Variants in ACOT1 observed in about 807,000 individuals in gnomAD.
ACOT1 encodes acyl-coenzyme A thioesterase 1.
ACOT1 carries 8 observed loss-of-function variants against 15.7 expected under a neutral mutation model. The ratio of observed to expected loss-of-function variants is 0.51; its 90% CI spans 0.30 to 0.92. The LOEUF (loss-of-function observed/expected upper bound fraction) is 0.92. ACOT1 is among the 40% of genes least tolerant of loss of function. ACOT1 has a pLI of 0.06. For missense variants in ACOT1, 151 were observed against 539.4 expected (o/e 0.28, Z 7.13); for synonymous variants, 67 against 241.2 (o/e 0.28, Z 6.69).
At chr14:73,491,253 T>C in the ACOT1 span, 2 of 1,581,214 alleles carry the variant, frequency 1.3e-6, no homozygotes, top group Non-Finnish European at 1.7e-6. Flanking sequence ...GGGGACGCGC[T>C]ACCCGGTGGG....
the ACOT1 span, chr14:73,498,954 C>T: frequency 1.2e-6 from 1 of 851,328 alleles, no homozygotes. Flanking sequence ...TTCTGAAAAG[C>T]TAAGATCATT....
the ACOT1 span, among the ~76,000 whole-genome samples, chr14:73,513,728 C>CA: frequency 0.099 from 4,628 of 46,748 alleles, 1,123 homozygotes; most frequent in East Asian, 0.27. Context: ...ACTACGTCTC[C>CA]AAAAAAAAAA....
At chr14:73,522,651 G>A in the ACOT1 span, 13 of 1,614,246 alleles carry the variant, frequency 8.1e-6, no homozygotes, top group Non-Finnish European at 1.0e-5. Flanking sequence ...TGCATGCAGG[G>A]ATGATGGATG....
chr14:73,508,185 C>T, the ACOT1 span: 2 of 1,614,038 alleles, frequency 1.2e-6, no homozygotes, highest in Non-Finnish European at 1.7e-6. Context: ...CCTCAGTGTC[C>T]TCATTCTTCT....
At chr14:73,495,157 C>G in the ACOT1 span, 1 of 1,433,586 alleles carries the variant, frequency 7.0e-7, no homozygotes, top group South Asian at 1.3e-5. Flanking sequence ...TACTAAGTCC[C>G]AAAACATCCA....
the ACOT1 span, chr14:73,522,390 C>T: frequency 1.2e-6 from 2 of 1,614,246 alleles, no homozygotes; most frequent in Non-Finnish European, 1.7e-6. Flanking sequence ...AGCTCCAGGT[C>T]ACTGGCAGAG....
At chr14:73,501,569 CTTTTT>C in the ACOT1 span, among the ~76,000 whole-genome samples, 2 of 108,164 alleles carry the variant, frequency 1.8e-5, no homozygotes, top group African/African-American at 7.0e-5. Context: ...GTCTCTCTCT[CTTTTT>C]TTTTTTTTTT....
At chr14:73,502,879 G>A in the ACOT1 span, 5 of 1,585,416 alleles carry the variant, frequency 3.2e-6, no homozygotes, top group Admixed American at 8.3e-5. Flanking sequence ...GTCTCCTCAT[G>A]TTGACTGGGT....
chr14:73,504,538 G>A, the ACOT1 span, among the ~76,000 whole-genome samples: 4 of 152,080 alleles, frequency 2.6e-5, no homozygotes, highest in African/African-American at 9.7e-5. Context: ...CACTGTGCCC[G>A]GCCGATTTTT....
the ACOT1 span, chr14:73,492,540 A>G: frequency 3.7e-6 from 6 of 1,613,674 alleles, no homozygotes; most frequent in South Asian, 4.4e-5. This position sits in a 1 kb window ranked among gnomAD's most constrained non-coding sequence, Gnocchi z 4.9. Context: ...TTCATTCACG[A>G]TTCTCTGCCC....
chr14:73,501,269 CCA>C, the ACOT1 span, among the ~76,000 whole-genome samples: 1 of 152,044 alleles, frequency 6.6e-6, no homozygotes, highest in East Asian at 1.9e-4. Context: ...TAGGCGCCCA[CCA>C]CCACGCCTGG....
the ACOT1 span, among the ~76,000 whole-genome samples, chr14:73,526,568 AC>A: frequency 2.0e-5 from 3 of 152,030 alleles, no homozygotes; most frequent in African/African-American, 4.8e-5. Context: ...AAGTTGCAAG[AC>A]AAAGTCCAGA....
At chr14:73,511,411 C>G in the ACOT1 span, among the ~76,000 whole-genome samples, 1 of 151,474 alleles carries the variant, frequency 6.6e-6, no homozygotes, top group Admixed American at 6.6e-5. Flanking sequence ...CCCAGCTACT[C>G]GGGAGACTAG....
chr14:73,505,438 C>T, the ACOT1 span, among the ~76,000 whole-genome samples: 1 of 151,800 alleles, frequency 6.6e-6, no homozygotes. Context: ...GCACTGTCGC[C>T]CAGGCTGGAG....
chr14:73,520,925 A>T, the ACOT1 span: 4 of 1,614,022 alleles, frequency 2.5e-6, no homozygotes, highest in Non-Finnish European at 3.4e-6. Context: ...TCACCTGGCG[A>T]AAGTAGCTCT....
chr14:73,516,197 G>C, the ACOT1 span, among the ~76,000 whole-genome samples: 1 of 45,918 alleles, frequency 2.2e-5, no homozygotes, highest in Non-Finnish European at 3.2e-5. Flanking sequence ...CTCCAGGGCA[G>C]TTTAGCAAAG....
chr14:73,519,573 C>A, the ACOT1 span, among the ~76,000 whole-genome samples: 1 of 151,806 alleles, frequency 6.6e-6, no homozygotes, highest in Non-Finnish European at 1.5e-5. Flanking sequence ...GTAAGACCCC[C>A]GTCTCTACAA....
the ACOT1 span, chr14:73,491,034 C>T: frequency 6.4e-7 from 1 of 1,560,770 alleles, no homozygotes; most frequent in Non-Finnish European, 8.7e-7. Context: ...GGGCTCCAGG[C>T]CAGTGCAGGG....
chr14:73,537,400 G>A lies in ACOT1; in HGVS notation c.-22G>A. The A allele has an allele frequency of 8.1e-7, 1 of 1,234,578 alleles. No individual in the cohort carries two copies. The highest frequency in any genetic ancestry group is 2.6e-5 in the Admixed American group (1 of 38,806). The allele number at this position is 1,234,578 out of a possible 1,614,324, so 76.5% of individuals were successfully genotyped here. A position where few individuals can be genotyped will look rare whatever the true frequency, so the allele number is the denominator to read the frequency against. ...CTCCACAGCTGAGGCAGTTTGGCCG[G>A]ATTATTTGGGTTCCTGCTCGGATGG... On this transcript the variant is annotated 5_prime_UTR_variant, in exon 1 of 3. Coordinates refer to ENST00000311148, the MANE Select transcript of ACOT1 (RefSeq NM_001037161.2).
Sources: allele counts gnomAD v4.1 joint callset (sites outside exome capture counted in the v4.1 genomes callset), GRCh38; gene constraint gnomAD v4.1.1; non-coding constraint Gnocchi (gnomAD v3.1); transcripts MANE v1.5; gene names NCBI Gene and HGNC (gene_info 2026-07-23, HGNC 2026-07-21).